The following BOLL variants were observed in gnomAD, a reference collection of about 807,000 sequenced individuals.
BOLL encodes the protein protein boule-like.
Under a neutral mutation model 44.4 loss-of-function variants are expected in BOLL, and 23 were observed. The observed-to-expected ratio is 0.52, with a 90% CI of 0.37 to 0.73. BOLL has a LOEUF of 0.73. Among genes scored for constraint, BOLL ranks in the 30% least tolerant of loss-of-function variants. The pLI, the probability that BOLL is intolerant of heterozygous loss-of-function variation, is 0.00. For synonymous variants in BOLL, 97 were observed against 110.8 expected (o/e 0.88, Z 0.78); for missense variants, 287 against 338.3 (o/e 0.85, Z 1.19).
At position 197,749,666 on chromosome 2, in the gene BOLL, C is replaced by T. The variant is rs1167120179; in HGVS notation, c.730-6507G>A. ...GGAAGATTGACTTAATGAAATAAAG[C>T]GTGAAGACAAGATTAGAGAAAAAAG... On this transcript the variant is annotated intron_variant, in intron 9 of 10. Transcript: ENST00000392296. Among the ~76,000 whole-genome samples the T allele has an allele frequency of 1.1e-4, 17 of 151,434 alleles. No homozygotes were observed. In the East Asian group the frequency reaches 1.8e-3, roughly 16 times the overall value.
chr2:197,728,613 C>A lies in BOLL; in HGVS notation c.829-35G>T, dbSNP rs146827073. On this transcript the variant is annotated intron_variant, in intron 10 of 10. Coordinates refer to ENST00000392296, the MANE Select transcript of BOLL (RefSeq NM_033030.6). Reference sequence around the variant, plus strand: ...AAAGAGAAAATATAGATCAGGAAGACTGAATGGAAAAAAAAAGATAAGTTA... The same window carrying A: ...AAAGAGAAAATATAGATCAGGAAGAATGAATGGAAAAAAAAAGATAAGTTA... 34,646 of 1,441,008 alleles carry A rather than the reference C, an allele frequency of 0.024. 559 individuals carry two copies. The highest frequency in any genetic ancestry group is 0.027 in the South Asian group (2,309 of 84,594). The allele number at this position is 1,441,008 out of a possible 1,614,324, so 89.3% of individuals were successfully genotyped here. A position where few individuals can be genotyped will look rare whatever the true frequency, so the allele number is the denominator to read the frequency against.
intron 8 of BOLL, 124 bp from the exon 9 acceptor site, chr2:197,756,680 G>T: frequency 1.2e-6 from 1 of 837,452 alleles, no homozygotes. Context: ...TTTAGGAATA[G>T]CACAGAAGTA....
upstream of BOLL, among the ~76,000 whole-genome samples, chr2:197,785,672 T>A (rs1374903108): frequency 6.6e-6 from 1 of 152,206 alleles, no homozygotes; most frequent in East Asian, 1.9e-4. This position sits in a 1 kb window ranked among gnomAD's most constrained non-coding sequence, Gnocchi z 6.7. Flanking sequence ...GCGGTTTACC[T>A]GCTCGGACTT....
chr2:197,734,149 G>C (rs563015470), intron 10 of BOLL, among the ~76,000 whole-genome samples: 2 of 151,260 alleles, frequency 1.3e-5, no homozygotes, highest in Non-Finnish European at 1.5e-5. Flanking sequence ...AAAAGTGGGC[G>C]AAGGATATGA....
At chr2:197,730,919 A>C (rs375953040) in intron 10 of BOLL, among the ~76,000 whole-genome samples, 1 of 152,064 alleles carries the variant, frequency 6.6e-6, no homozygotes, top group African/African-American at 2.4e-5. Context: ...TGAGAAAAAT[A>C]ACCAGCTAAC....
chr2:197,774,041 A>G (rs1689393838), intron 5 of BOLL: 1 of 463,124 alleles, frequency 2.2e-6, no homozygotes. Context: ...TTTGGAGTCA[A>G]ACAGTCCTGC....
rs1405499219 is a variant in BOLL, at chr2:197,756,410, T to C, written c.729+18A>G. The C allele has an allele frequency of 2.5e-6, 4 of 1,568,700 alleles. No homozygotes were observed. In the East Asian group the frequency reaches 9.2e-5, roughly 36 times the overall value. ...CATGAGGTAGTTATAGATCAATTAC[T>C]TTAAGACTAATACATACCTCTGGAA... On this transcript the variant is annotated intron_variant, in intron 9 of 10. Transcript: ENST00000392296.
chr2:197,779,960 T>C (rs1384662279), intron 2 of BOLL, among the ~76,000 whole-genome samples: 1 of 152,016 alleles, frequency 6.6e-6, no homozygotes, highest in Non-Finnish European at 1.5e-5. Context: ...ACCTCACTAC[T>C]TACATACACT....
intron 6 of BOLL, among the ~76,000 whole-genome samples, chr2:197,768,063 T>C (rs918991999): frequency 6.6e-6 from 1 of 152,148 alleles, no homozygotes; most frequent in East Asian, 1.9e-4. Flanking sequence ...ATTATCACTA[T>C]TGAAAAATCA....
chr2:197,783,014 A>T (rs867947300), intron 1 of BOLL, among the ~76,000 whole-genome samples: 1 of 152,264 alleles, frequency 6.6e-6, no homozygotes, highest in African/African-American at 2.4e-5. Flanking sequence ...CTGAAAAAAA[A>T]CCCAAGACTT....
intron 10 of BOLL, among the ~76,000 whole-genome samples, chr2:197,742,549 C>A (rs1011854438): frequency 2.0e-5 from 3 of 151,756 alleles, no homozygotes; most frequent in Non-Finnish European, 4.4e-5. Context: ...TCATTCTCAG[C>A]AAACTATTGC....
intron 7 of BOLL, among the ~76,000 whole-genome samples, chr2:197,761,248 C>G (rs965448724): frequency 6.6e-6 from 1 of 152,146 alleles, no homozygotes; most frequent in Non-Finnish European, 1.5e-5. Context: ...GAGTTTGACA[C>G]TGCAGTGAGC....
At chr2:197,746,431 G>A (rs1266905033) in intron 9 of BOLL, among the ~76,000 whole-genome samples, 1 of 152,148 alleles carries the variant, frequency 6.6e-6, no homozygotes, top group Non-Finnish European at 1.5e-5. Context: ...TAAAGAAAAT[G>A]TAGTATCCAT....
upstream of BOLL, chr2:197,785,884 G>C: frequency 1.9e-6 from 2 of 1,027,280 alleles, no homozygotes; most frequent in Non-Finnish European, 3.0e-6. This position sits in a 1 kb window ranked among gnomAD's most constrained non-coding sequence, Gnocchi z 6.7. Context: ...GCGAGCGTTT[G>C]GGGCCTTCAC....
intron 6 of BOLL, among the ~76,000 whole-genome samples, chr2:197,769,670 G>A (rs553469378): frequency 3.6e-4 from 54 of 151,770 alleles, no homozygotes; most frequent in Middle Eastern, 3.4e-3. Context: ...ATACAAAATC[G>A]ATGTGCAAAA....
chr2:197,743,827 T>G (rs1422386397), intron 9 of BOLL, among the ~76,000 whole-genome samples: 1 of 152,160 alleles, frequency 6.6e-6, no homozygotes, highest in Non-Finnish European at 1.5e-5. Context: ...TTTCTTTTTT[T>G]TTTGAGATGG....
intron 10 of BOLL, among the ~76,000 whole-genome samples, chr2:197,741,512 T>A (rs1306644431): frequency 6.6e-6 from 1 of 152,050 alleles, no homozygotes; most frequent in African/African-American, 2.4e-5. Flanking sequence ...ATGCCGCATA[T>A]CTACAACTAT....
At chr2:197,774,937 A>G (rs889330001) in intron 5 of BOLL, 8 of 151,980 alleles carry the variant, frequency 5.3e-5, no homozygotes, top group Non-Finnish European at 1.2e-4. Context: ...CAGATTATAT[A>G]TAATAACCTA....
chr2:197,730,000 C>T (rs1235656241), intron 10 of BOLL, among the ~76,000 whole-genome samples: 3 of 150,930 alleles, frequency 2.0e-5, no homozygotes, highest in South Asian at 2.1e-4. Context: ...AGGCTTCAGA[C>T]GATCAAATTA....
Sources: allele counts gnomAD v4.1 joint callset (sites outside exome capture counted in the v4.1 genomes callset), GRCh38; gene constraint gnomAD v4.1.1; non-coding constraint Gnocchi (gnomAD v3.1); transcripts MANE v1.5; gene names NCBI Gene and HGNC (gene_info 2026-07-23, HGNC 2026-07-21).